The following TRAPPC9 variants were observed in gnomAD, a reference collection of about 807,000 sequenced individuals.
TRAPPC9 encodes the protein IKK2 binding protein.
Under a neutral mutation model 124.0 loss-of-function variants are expected in TRAPPC9, and 83 were observed. The observed-to-expected ratio is 0.67, with a 90% CI of 0.56 to 0.80. The LOEUF is 0.80. TRAPPC9 is among the 30% of genes least tolerant of loss of function. TRAPPC9 has a pLI of 0.00. For missense variants in TRAPPC9, 1,302 were observed against 1,508.3 expected, an observed-to-expected ratio of 0.86 and a Z score of 2.27; for synonymous variants, 638 against 617.5, an observed-to-expected ratio of 1.03 and a Z score of -0.49.
chr8:140,020,874 C>G (rs1423717997), intron 18 of TRAPPC9, among the ~76,000 whole-genome samples: 20 of 152,138 alleles, frequency 1.3e-4, no homozygotes. Context: ...CTTGATTTTG[C>G]TGTCATTAAA....
chr8:140,161,392 C>T (rs958560756), intron 17 of TRAPPC9, among the ~76,000 whole-genome samples: 3 of 145,378 alleles, frequency 2.1e-5, no homozygotes, highest in African/African-American at 7.7e-5. Context: ...AACTGAAATG[C>T]TCAGGACCAG....
intron 19 of TRAPPC9, among the ~76,000 whole-genome samples, chr8:139,980,604 C>T (rs911638111): frequency 1.1e-4 from 16 of 152,248 alleles, no homozygotes; most frequent in East Asian, 1.9e-4. Context: ...TGGCCTCTAA[C>T]GCTGCTCTTT....
intron 17 of TRAPPC9, among the ~76,000 whole-genome samples, chr8:140,076,290 GC>G (rs1300246518): frequency 6.6e-6 from 1 of 152,198 alleles, no homozygotes; most frequent in Non-Finnish European, 1.5e-5. Context: ...GAAAAGAGCT[GC>G]CCTCCCCTGG....
At chr8:140,066,906 A>C (rs1842919301) in intron 17 of TRAPPC9, among the ~76,000 whole-genome samples, 1 of 152,162 alleles carries the variant, frequency 6.6e-6, no homozygotes, top group South Asian at 2.1e-4. Context: ...CAGAGGAAGA[A>C]AGGCTCCTGC....
intron 19 of TRAPPC9, among the ~76,000 whole-genome samples, chr8:139,911,779 A>C (rs1032971268): frequency 6.6e-6 from 1 of 151,926 alleles, no homozygotes; most frequent in Non-Finnish European, 1.5e-5. Context: ...ATTCAGCAAA[A>C]CCATGCTCTA....
chr8:140,274,159 C>T (rs1199850133), intron 15 of TRAPPC9, among the ~76,000 whole-genome samples: 1 of 151,870 alleles, frequency 6.6e-6, no homozygotes, highest in Non-Finnish European at 1.5e-5. Flanking sequence ...CTTATGGCCT[C>T]ACTCAATAAA....
intron 19 of TRAPPC9, among the ~76,000 whole-genome samples, chr8:139,951,042 C>T (rs919621473): frequency 6.6e-6 from 1 of 152,202 alleles, no homozygotes; most frequent in Admixed American, 6.5e-5. Flanking sequence ...CCCAGGCGCG[C>T]ACATCCCCAC....
chr8:140,396,824 C>G (rs2069110388), intron 7 of TRAPPC9, among the ~76,000 whole-genome samples: 1 of 152,148 alleles, frequency 6.6e-6, no homozygotes, highest in Non-Finnish European at 1.5e-5. Context: ...ATCCTTTTGC[C>G]ACTTCCTCCC....
chr8:140,367,599 C>T (rs112141848), intron 8 of TRAPPC9, among the ~76,000 whole-genome samples: 4,425 of 152,150 alleles, frequency 0.029, 217 homozygotes, highest in African/African-American at 0.095. Flanking sequence ...GGAGACAGAG[C>T]ACAAAGGATC....
rs1321225273 is a variant in TRAPPC9 at position 140,360,051 on chromosome 8, C to T, written c.1494G>A (p.Gln498=). 3 of 1,614,120 alleles carry T rather than the reference C, an allele frequency of 1.9e-6. No individual in the cohort carries two copies. The highest frequency in any genetic ancestry group is 2.2e-5 in the South Asian group (2 of 91,078). Residue 498 remains glutamine (Q), a splice_region_variant and synonymous_variant, in exon 9 of 23, where the codon CAG becomes CAA. Transcript: ENST00000438773. ...ACATTGTGGTTTGAGCTCACTCACC[C>T]TGATCCGACAAGAAGTCCAGCATGG... ...LQTMLDFLSD[Q]EKKDVAQSLE...
intron 6 of TRAPPC9, among the ~76,000 whole-genome samples, chr8:140,404,517 C>G (rs1327074032): frequency 1.3e-5 from 2 of 152,122 alleles, no homozygotes; most frequent in African/African-American, 4.8e-5. Context: ...AAGAAGCAAG[C>G]AGGATTTTAG....
chr8:140,045,540 T>A (rs936002163), intron 17 of TRAPPC9, among the ~76,000 whole-genome samples: 1 of 141,660 alleles, frequency 7.1e-6, no homozygotes. Context: ...GGCAGGAGAA[T>A]CACTTGAATC....
intron 21 of TRAPPC9, among the ~76,000 whole-genome samples, chr8:139,826,968 C>T (rs1360448025): frequency 3.3e-5 from 5 of 152,122 alleles, no homozygotes; most frequent in Non-Finnish European, 1.5e-5. Flanking sequence ...TACGTGTGAT[C>T]AAAGAAGGGA....
chr8:140,445,538 G>A (rs961889961), intron 2 of TRAPPC9, among the ~76,000 whole-genome samples: 1 of 152,172 alleles, frequency 6.6e-6, no homozygotes, highest in African/African-American at 2.4e-5. Flanking sequence ...AGGGGAGGAG[G>A]GAGCCCGGGC....
At chr8:139,920,443 C>A (rs534630964) in intron 19 of TRAPPC9, among the ~76,000 whole-genome samples, 2 of 152,380 alleles carry the variant, frequency 1.3e-5, no homozygotes, top group African/African-American at 4.8e-5. Flanking sequence ...TACTTCTAAT[C>A]TGCCGTGCCC....
chr8:140,296,202 T>A (rs13262367), intron 11 of TRAPPC9, among the ~76,000 whole-genome samples: 43,460 of 152,202 alleles, frequency 0.29, 6,592 homozygotes, highest in Middle Eastern at 0.43. Context: ...CTGGATAATG[T>A]TTGCTTAAGC....
chr8:139,818,489 T>C (rs986434116), intron 21 of TRAPPC9, among the ~76,000 whole-genome samples: 5 of 152,024 alleles, frequency 3.3e-5, no homozygotes, highest in African/African-American at 1.2e-4. Context: ...GGCAGGAGAA[T>C]TGCTTGAACC....
chr8:140,286,545 T>C (rs908677953), intron 13 of TRAPPC9, among the ~76,000 whole-genome samples: 1 of 152,010 alleles, frequency 6.6e-6, no homozygotes, highest in Non-Finnish European at 1.5e-5. Flanking sequence ...GAAGCAGCAG[T>C]TCTCAGGAAG....
chr8:140,033,580 T>A (rs542156130), intron 17 of TRAPPC9, among the ~76,000 whole-genome samples: 258 of 144,586 alleles, frequency 1.8e-3, no homozygotes, highest in Non-Finnish European at 2.7e-3. Flanking sequence ...CAGGGAAATC[T>A]CCAAAAAGTT....
Sources: allele counts gnomAD v4.1 joint callset (sites outside exome capture counted in the v4.1 genomes callset), GRCh38; gene constraint gnomAD v4.1.1; transcripts MANE v1.5; gene names NCBI Gene and HGNC (gene_info 2026-07-23, HGNC 2026-07-21).